Variants in PHF24 observed in about 807,000 individuals in gnomAD.
PHF24 encodes PHD finger protein 24, also known as Galpha inhibitory interacting protein.
In PHF24, 25 loss-of-function variants were observed where a neutral mutation model predicts 42.6. That is an observed-to-expected ratio of 0.59 (90% CI 0.43 to 0.82). PHF24 has a LOEUF of 0.82. PHF24 is among the 40% of genes least tolerant of loss of function. The pLI, the probability that PHF24 is intolerant of heterozygous loss-of-function variation, is 0.00. For synonymous variants in PHF24, 185 were observed against 204.8 expected (o/e 0.90, Z 0.83); for missense variants, 470 against 538.1 (o/e 0.87, Z 1.25).
At chr9:34,930,819 A>G in the PHF24 span, among the ~76,000 whole-genome samples, 1 of 152,220 alleles carries the variant, frequency 6.6e-6, no homozygotes, top group Non-Finnish European at 1.5e-5. Context: ...AACTTGTTTC[A>G]GTGTCTGAAG....
chr9:34,917,029 A>G, the PHF24 span: 1 of 554,470 alleles, frequency 1.8e-6, no homozygotes, highest in African/African-American at 1.9e-5. Flanking sequence ...AAAAGTGTGA[A>G]CACAAATCAT....
the PHF24 span, among the ~76,000 whole-genome samples, chr9:34,864,939 G>A: frequency 1.8e-3 from 267 of 152,074 alleles, 1 homozygote; most frequent in African/African-American, 6.2e-3. Flanking sequence ...CACTTTGGGA[G>A]GCCGAGGCAG....
At chr9:34,845,932 T>C in the PHF24 span, among the ~76,000 whole-genome samples, 1 of 152,214 alleles carries the variant, frequency 6.6e-6, no homozygotes, top group Middle Eastern at 3.4e-3. Flanking sequence ...CATGAACTCA[T>C]CGTTTTTTAT....
chr9:34,854,270 C>G, the PHF24 span, among the ~76,000 whole-genome samples: 1 of 131,880 alleles, frequency 7.6e-6, no homozygotes. Flanking sequence ...GTGTCTCTGT[C>G]TCCTTCAGTT....
chr9:34,977,648 A>G lies in PHF24; in HGVS notation c.1106+7A>G, dbSNP rs371217799. The G allele has an allele frequency of 1.1e-4, 178 of 1,582,914 alleles. No homozygotes were observed. The highest frequency in any genetic ancestry group is 1.4e-4 in the Non-Finnish European group (161 of 1,162,338). On this transcript the variant is annotated splice_region_variant and intron_variant, in intron 7 of 7. Coordinates refer to ENST00000242315, the Ensembl canonical transcript of PHF24. ...CCACAGAGCAGGAGTCCAGGTGAGTAGGACCTCCTCACCTGGCCATTTGTA... is the reference window on the plus strand; with the variant it reads ...CCACAGAGCAGGAGTCCAGGTGAGTGGGACCTCCTCACCTGGCCATTTGTA...
chr9:34,938,389 C>T, the PHF24 span, among the ~76,000 whole-genome samples: 3 of 152,204 alleles, frequency 2.0e-5, no homozygotes, highest in East Asian at 3.9e-4. Flanking sequence ...AAAAACTCCT[C>T]TTGCCTTTGC....
the PHF24 span, among the ~76,000 whole-genome samples, chr9:34,875,046 G>T: frequency 5.3e-5 from 8 of 152,096 alleles, no homozygotes; most frequent in Admixed American, 3.9e-4. Flanking sequence ...CTATCAAATA[G>T]TAGGTCTTAT....
the PHF24 span, among the ~76,000 whole-genome samples, chr9:34,939,742 T>C: frequency 6.6e-6 from 1 of 152,072 alleles, no homozygotes; most frequent in East Asian, 1.9e-4. Flanking sequence ...GTCCCACACA[T>C]CTACTTCTAC....
the PHF24 span, among the ~76,000 whole-genome samples, chr9:34,696,001 A>C: frequency 6.6e-6 from 1 of 152,210 alleles, no homozygotes; most frequent in Non-Finnish European, 1.5e-5. Flanking sequence ...ACAGTCACTT[A>C]GACTATCACT....
chr9:34,912,788 A>G, the PHF24 span, among the ~76,000 whole-genome samples: 6 of 152,250 alleles, frequency 3.9e-5, no homozygotes, highest in African/African-American at 1.4e-4. Flanking sequence ...AATTTAGTAC[A>G]CAAAATGTCT....
chr9:34,972,939 T>C (rs1827055746), intron 3 of PHF24, among the ~76,000 whole-genome samples: 1 of 151,674 alleles, frequency 6.6e-6, no homozygotes, highest in African/African-American at 2.4e-5. Flanking sequence ...AAAAGATTTT[T>C]CCAATGGTAC....
the PHF24 span, among the ~76,000 whole-genome samples, chr9:34,856,379 G>T: frequency 6.6e-6 from 1 of 152,156 alleles, no homozygotes; most frequent in Non-Finnish European, 1.5e-5. Context: ...CAGTATTTTT[G>T]TGTTGATTCT....
chr9:34,841,355 G>A, the PHF24 span, among the ~76,000 whole-genome samples: 4 of 152,246 alleles, frequency 2.6e-5, no homozygotes, highest in South Asian at 2.1e-4. Flanking sequence ...TATTGAATAC[G>A]TCAGTTGTTT....
chr9:34,788,746 G>T, the PHF24 span, among the ~76,000 whole-genome samples: 1 of 152,120 alleles, frequency 6.6e-6, no homozygotes, highest in South Asian at 2.1e-4. Context: ...GGAAAGGGAG[G>T]TCTAGAAAAT....
At chr9:34,801,389 C>G in the PHF24 span, among the ~76,000 whole-genome samples, 1 of 152,114 alleles carries the variant, frequency 6.6e-6, no homozygotes, top group East Asian at 1.9e-4. Context: ...GACTTGGAAC[C>G]AACCCAAATA....
chr9:34,778,247 C>G, the PHF24 span, among the ~76,000 whole-genome samples: 1 of 152,010 alleles, frequency 6.6e-6, no homozygotes, highest in Non-Finnish European at 1.5e-5. Context: ...AAACAAAAAG[C>G]GTAATGGCAG....
the PHF24 span, among the ~76,000 whole-genome samples, chr9:34,910,475 A>T: frequency 6.6e-6 from 1 of 152,356 alleles, no homozygotes; most frequent in African/African-American, 2.4e-5. Context: ...TACATACAAA[A>T]TAAGTATGTG....
the PHF24 span, among the ~76,000 whole-genome samples, chr9:34,864,242 T>C: frequency 4.6e-5 from 7 of 152,150 alleles, no homozygotes; most frequent in African/African-American, 1.7e-4. Flanking sequence ...TTCAAAGGGA[T>C]AATAACAGAG....
At chr9:34,937,147 C>T in the PHF24 span, among the ~76,000 whole-genome samples, 29 of 152,168 alleles carry the variant, frequency 1.9e-4, no homozygotes, top group Admixed American at 1.2e-3. Flanking sequence ...GTCTGGGAGG[C>T]GTACCCAACA....
Sources: allele counts gnomAD v4.1 joint callset (sites outside exome capture counted in the v4.1 genomes callset), GRCh38; gene constraint gnomAD v4.1.1; transcripts MANE v1.5; gene names NCBI Gene and HGNC (gene_info 2026-07-23, HGNC 2026-07-21).